HDAC9: variants seen among roughly 807,000 people sequenced by gnomAD.
The protein encoded by HDAC9 is MEF-2 interacting transcription repressor (MITR) protein.
HDAC9 carries 41 observed loss-of-function variants against 139.4 expected under a neutral mutation model. The observed-to-expected ratio is 0.29, with a 90% CI of 0.23 to 0.38. The LOEUF (loss-of-function observed/expected upper bound fraction) is 0.38, where lower values mean the gene tolerates loss of function less well. Ranked by LOEUF, HDAC9 falls within the 10% of genes least tolerant of loss-of-function variation. The pLI, the probability that HDAC9 is intolerant of heterozygous loss-of-function variation, is 1.00. For missense variants in HDAC9, 1,147 were observed against 1,297.0 expected, an observed-to-expected ratio of 0.88 and a Z score of 1.78; for synonymous variants, 517 against 476.2, an observed-to-expected ratio of 1.09 and a Z score of -1.12.
At chr7:18,990,258 G>C (rs1785770323) in intron 25 of HDAC9, among the ~76,000 whole-genome samples, 1 of 151,992 alleles carries the variant, frequency 6.6e-6, no homozygotes, top group East Asian at 1.9e-4. Context: ...CTGTTTGTTA[G>C]GACAGACAGA....
chr7:18,504,439 G>A lies in HDAC9; in HGVS notation c.22+8115G>A, dbSNP rs546085341. On this transcript the variant is annotated intron_variant, in intron 2 of 25. Coordinates refer to ENST00000686413, the MANE Select transcript of HDAC9 (RefSeq NM_178425.4). ...CCTGCCTCAGCCTCCCAAGTAGCTG[G>A]GATTACAGGCATGTGCCACCATGCC... is the stretch of plus-strand genomic sequence containing the variant. Among the ~76,000 whole-genome samples the A allele has an allele frequency of 6.6e-5, 10 of 152,236 alleles. No homozygotes were observed. The East Asian group carries it at 1.9e-3, about 29-fold the overall frequency.
intron 24 of HDAC9, among the ~76,000 whole-genome samples, chr7:18,969,948 G>A (rs1784141812): frequency 6.6e-6 from 1 of 152,154 alleles, no homozygotes; most frequent in Non-Finnish European, 1.5e-5. Flanking sequence ...ACTCATTTCA[G>A]TATTTTAAAA....
At chr7:18,443,995 T>C (rs1358252612) in intron 1 of HDAC9, among the ~76,000 whole-genome samples, 1 of 151,988 alleles carries the variant, frequency 6.6e-6, no homozygotes, top group Non-Finnish European at 1.5e-5. Flanking sequence ...TGTGTATGTA[T>C]GTATCTGTCT....
intron 14 of HDAC9, among the ~76,000 whole-genome samples, chr7:18,755,548 C>T (rs1323240445): frequency 2.0e-5 from 3 of 152,002 alleles, no homozygotes; most frequent in Non-Finnish European, 4.4e-5. Context: ...TAAATTCAAC[C>T]ATTAAAATAT....
intron 2 of HDAC9, among the ~76,000 whole-genome samples, chr7:18,549,897 C>T (rs1251961011): frequency 6.6e-6 from 1 of 151,682 alleles, no homozygotes; most frequent in Admixed American, 6.6e-5. Flanking sequence ...TCTACTTTTG[C>T]AGGATTTTTT....
rs553064362 is a variant in HDAC9, at chr7:18,272,264, G to A, written c.25+109915G>A. Among the ~76,000 whole-genome samples the A allele has an allele frequency of 7.2e-5, 11 of 152,214 alleles. No homozygotes were observed. The East Asian group carries it at 9.7e-4, about 13-fold the overall frequency. On this transcript the variant is annotated intron_variant, in intron 2 of 12. Transcript: ENST00000417496. The stretch of plus-strand genomic sequence containing the variant: ...AGGTGCTTTCCTATTTGAAAGCAGC[G>A]CATCATTCAGCCTCCTGAATGTATT...
intron 2 of HDAC9, among the ~76,000 whole-genome samples, chr7:18,546,147 C>T (rs1586889548): frequency 6.6e-6 from 1 of 152,256 alleles, no homozygotes; most frequent in East Asian, 1.9e-4. Context: ...CATGCCCTAG[C>T]CTAATGATTG....
chr7:18,767,751 A>G (rs1340528701), intron 16 of HDAC9, among the ~76,000 whole-genome samples: 1 of 152,192 alleles, frequency 6.6e-6, no homozygotes, highest in East Asian at 1.9e-4. Flanking sequence ...ATTTTTGTAG[A>G]TGATTAGAAC....
rs189905900 is a variant in HDAC9, at chr7:18,902,276, C to T, written c.2803+27680C>T. Among the ~76,000 whole-genome samples, 166 of 152,254 alleles carry T rather than the reference C, an allele frequency of 1.1e-3. 4 individuals carry two copies. Among genetic ancestry groups the T allele is most frequent in the Middle Eastern group, 3.4e-3 (1 of 294 alleles). ...TAATCAAATCCTAGTGAAGGTTCTTCTCACTCCTGGGGCTGTTTAGTAAAA... is the reference window on the plus strand; with the variant it reads ...TAATCAAATCCTAGTGAAGGTTCTTTTCACTCCTGGGGCTGTTTAGTAAAA... On this transcript the variant is annotated intron_variant, in intron 22 of 25. Transcript: ENST00000686413.
At chr7:18,268,988 A>C (rs1010166128) in intron 2 of HDAC9, among the ~76,000 whole-genome samples, 2 of 152,222 alleles carry the variant, frequency 1.3e-5, no homozygotes, top group Non-Finnish European at 2.9e-5. Flanking sequence ...TTTATACAGC[A>C]TTACACAAAA....
chr7:18,898,543 G>C (rs774045094), intron 22 of HDAC9, among the ~76,000 whole-genome samples: 8 of 151,810 alleles, frequency 5.3e-5, no homozygotes, highest in Non-Finnish European at 1.0e-4. Flanking sequence ...AATACTGTGA[G>C]TTTTATAAAG....
intron 2 of HDAC9, among the ~76,000 whole-genome samples, chr7:18,213,662 C>T (rs1271595874): frequency 6.6e-6 from 1 of 152,086 alleles, no homozygotes; most frequent in African/African-American, 2.4e-5. Context: ...AATGTGTAAG[C>T]TATTCACACT....
chr7:18,209,583 ATTG>A (rs1200477800), intron 2 of HDAC9, among the ~76,000 whole-genome samples: 2 of 152,194 alleles, frequency 1.3e-5, no homozygotes, highest in Non-Finnish European at 2.9e-5. Flanking sequence ...TGCTGATTGA[ATTG>A]TTGTTGATGG....
In HDAC9 at chr7:18,496,012, C is replaced by G. The variant is rs1208635019; in HGVS notation, c.-53C>G. 7.0e-7 allele frequency: 1 copy of G among 1,418,818 alleles called. No homozygotes were observed. The highest frequency in any genetic ancestry group is 9.2e-7 in the Non-Finnish European group (1 of 1,090,540). The allele number at this position is 1,418,818 out of a possible 1,614,324, so 87.9% of individuals were successfully genotyped here. A position where few individuals can be genotyped will look rare whatever the true frequency, so the allele number is the denominator to read the frequency against. On this transcript the variant is annotated 5_prime_UTR_variant, in exon 1 of 26. Transcript: ENST00000686413. ...TATAGCATCCACTCTGTCCTTTCTG[C>G]TTTGCACACAGGTTGGTAACATGGG...
chr7:18,710,648 A>C (rs915438117), intron 12 of HDAC9, among the ~76,000 whole-genome samples: 3 of 152,202 alleles, frequency 2.0e-5, no homozygotes, highest in Non-Finnish European at 4.4e-5. Context: ...TGTTAATGGT[A>C]TCCGTTCATC....
intron 17 of HDAC9, among the ~76,000 whole-genome samples, chr7:18,799,540 G>C (rs773989453): frequency 6.6e-6 from 1 of 152,150 alleles, no homozygotes; most frequent in Non-Finnish European, 1.5e-5. Flanking sequence ...GATTGTATGA[G>C]GATGTATGAC....
rs773362170 is a variant in HDAC9, at chr7:18,511,545, G to T, written c.22+15221G>T. The stretch of plus-strand genomic sequence containing the variant: ...CAGGAAGTCAAGGCTTCAGTGAGCC[G>T]ACATCACTCCATTGCACTCCAGCCT... On this transcript the variant is annotated intron_variant, in intron 2 of 25. Coordinates refer to ENST00000686413, the MANE Select transcript of HDAC9 (RefSeq NM_178425.4). 2.0e-5 allele frequency among the ~76,000 whole-genome samples: 3 copies of T among 151,996 alleles called. No homozygotes were observed. In the South Asian group the frequency reaches 6.2e-4, roughly 31 times the overall value.
At chr7:18,703,953 G>A (rs774276337) in intron 12 of HDAC9, among the ~76,000 whole-genome samples, 12 of 152,162 alleles carry the variant, frequency 7.9e-5, no homozygotes, top group Non-Finnish European at 1.3e-4. Context: ...CTTAGGCCAA[G>A]CCCTGACCTT....
intron 21 of HDAC9, among the ~76,000 whole-genome samples, chr7:18,851,862 G>T (rs530601522): frequency 6.6e-6 from 1 of 152,242 alleles, no homozygotes; most frequent in East Asian, 1.9e-4. Flanking sequence ...ATCAAAGTTG[G>T]TTTCCTGAAT....
Sources: gnomAD v4.1 joint callset for allele counts (sites outside exome capture counted in the v4.1 genomes callset) on GRCh38, gnomAD v4.1.1 for gene constraint, MANE v1.5 for transcripts, NCBI Gene and HGNC (gene_info 2026-07-23, HGNC 2026-07-21) for gene names.